Variants in MTUS2 observed in about 807,000 individuals in gnomAD.
The protein encoded by MTUS2 is microtubule-associated tumor suppressor candidate 2.
Under a neutral mutation model 114.1 loss-of-function variants are expected in MTUS2, and 40 were observed. The observed-to-expected ratio is 0.35, with a 90% CI of 0.27 to 0.46. The LOEUF is 0.46. Ranked by LOEUF, MTUS2 falls within the 20% of genes least tolerant of loss-of-function variation. The pLI is 1.00. For synonymous variants in MTUS2, 688 were observed against 672.0 expected (o/e 1.02, Z -0.37); for missense variants, 1,679 against 1,705.4 (o/e 0.98, Z 0.27).
At chr13:29,275,981 C>T (rs1057099943) in intron 5 of MTUS2, among the ~76,000 whole-genome samples, 5 of 152,096 alleles carry the variant, frequency 3.3e-5, no homozygotes, top group Non-Finnish European at 5.9e-5. Flanking sequence ...CACATTTACA[C>T]CTTTGTTTTC....
intron 2 of MTUS2, among the ~76,000 whole-genome samples, chr13:28,869,606 C>G (rs1013937425): frequency 3.3e-5 from 5 of 152,040 alleles, no homozygotes; most frequent in African/African-American, 1.2e-4. Context: ...CCCATCTCTA[C>G]TAAAAATACA....
At chr13:28,867,730 G>C (rs191632075) in intron 2 of MTUS2, among the ~76,000 whole-genome samples, 1 of 152,288 alleles carries the variant, frequency 6.6e-6, no homozygotes, top group Non-Finnish European at 1.5e-5. Flanking sequence ...AGTGTGACTT[G>C]GCTCAGCCAT....
At chr13:29,256,484 G>A (rs75611012) in intron 5 of MTUS2, among the ~76,000 whole-genome samples, 2,848 of 152,320 alleles carry the variant, frequency 0.019, 34 homozygotes, top group Non-Finnish European at 0.029. Flanking sequence ...GGGCAAGGAG[G>A]GCAAAGCACC....
At chr13:29,488,906 T>C (rs111633551) in intron 11 of MTUS2, among the ~76,000 whole-genome samples, 2,305 of 152,354 alleles carry the variant, frequency 0.015, 51 homozygotes, top group African/African-American at 0.052. Flanking sequence ...TTTTACACTT[T>C]CACATGCATT....
At chr13:28,934,729 G>A (rs936760228) in intron 2 of MTUS2, among the ~76,000 whole-genome samples, 1 of 152,154 alleles carries the variant, frequency 6.6e-6, no homozygotes, top group Non-Finnish European at 1.5e-5. Context: ...CTCCATGTTG[G>A]TCAGGCTGGT....
At chr13:28,864,058 G>A (rs1193572247) in intron 2 of MTUS2, among the ~76,000 whole-genome samples, 1 of 152,110 alleles carries the variant, frequency 6.6e-6, no homozygotes, top group Admixed American at 6.5e-5. Flanking sequence ...GCTTTTCTGG[G>A]ATTCAGAAGC....
At chr13:29,169,865 A>T (rs1385641124) in intron 5 of MTUS2, among the ~76,000 whole-genome samples, 1 of 152,174 alleles carries the variant, frequency 6.6e-6, no homozygotes. Flanking sequence ...TAGGACAAGG[A>T]TTTGACATTT....
intron 5 of MTUS2, among the ~76,000 whole-genome samples, chr13:29,129,852 T>C (rs961101623): frequency 6.6e-6 from 1 of 152,038 alleles, no homozygotes; most frequent in Non-Finnish European, 1.5e-5. Context: ...CAAAAAAGAA[T>C]GGTGGGGGCA....
At chr13:28,968,474 T>A (rs1446174621) in intron 2 of MTUS2, among the ~76,000 whole-genome samples, 1 of 152,218 alleles carries the variant, frequency 6.6e-6, no homozygotes, top group Non-Finnish European at 1.5e-5. Context: ...TTTTGCACTA[T>A]TATTAAATGC....
intron 7 of MTUS2, among the ~76,000 whole-genome samples, chr13:29,332,631 T>G: frequency 8.5e-6 from 1 of 118,216 alleles, no homozygotes; most frequent in East Asian, 2.8e-4. Context: ...GCTTCTCTAA[T>G]TCTTTTTTTT....
intron 2 of MTUS2, among the ~76,000 whole-genome samples, chr13:28,982,897 T>G (rs1884422760): frequency 6.6e-6 from 1 of 152,100 alleles, no homozygotes; most frequent in Admixed American, 6.5e-5. Flanking sequence ...GGGGAATTGT[T>G]TAATAGGTAT....
Position 29,039,312 on chromosome 13 carries a change from G to A in MTUS2, c.2446+5187G>A, listed in dbSNP as rs145396253. Reference sequence around the variant, plus strand: ...AGAAATTCGGCTTCCAGAAGTTTCCGAAGTCTGCGGCTGGGGCCAAGTGTG... The same window carrying A: ...AGAAATTCGGCTTCCAGAAGTTTCCAAAGTCTGCGGCTGGGGCCAAGTGTG... On this transcript the variant is annotated intron_variant, in intron 4 of 15. Coordinates refer to ENST00000612955, the MANE Select transcript of MTUS2 (RefSeq NM_001033602.4). 2.9e-3 allele frequency among the ~76,000 whole-genome samples: 443 copies of A among 152,364 alleles called. 2 individuals carry two copies. Among genetic ancestry groups the A allele is most frequent in the African/African-American group, 9.8e-3 (406 of 41,592 alleles).
intron 2 of MTUS2, among the ~76,000 whole-genome samples, chr13:28,894,787 GA>G (rs1240310239): frequency 6.6e-6 from 1 of 152,196 alleles, no homozygotes; most frequent in Non-Finnish European, 1.5e-5. Flanking sequence ...CTTTGCTTAA[GA>G]ATCAGTAAAA....
intron 1 of MTUS2, among the ~76,000 whole-genome samples, chr13:28,832,747 TAAATG>T (rs1379861296): frequency 1.5e-5 from 2 of 133,166 alleles, no homozygotes; most frequent in Non-Finnish European, 3.1e-5. Context: ...AGAACAGAAG[TAAATG>T]AAATAGAGAA....
intron 12 of MTUS2, among the ~76,000 whole-genome samples, 154 bp from the exon 13 acceptor site, chr13:29,497,084 G>T (rs1882597089): frequency 6.6e-6 from 1 of 152,132 alleles, no homozygotes. Flanking sequence ...TGTGGTTGTG[G>T]GGGCTCTCCT....
intron 5 of MTUS2, among the ~76,000 whole-genome samples, chr13:29,275,481 G>A (rs1442257547): frequency 1.3e-5 from 2 of 151,722 alleles, no homozygotes; most frequent in Non-Finnish European, 2.9e-5. Flanking sequence ...TCTATTTTTT[G>A]TACCCATTAA....
intron 5 of MTUS2, among the ~76,000 whole-genome samples, chr13:29,220,347 C>T (rs905706163): frequency 3.3e-5 from 5 of 152,348 alleles, no homozygotes; most frequent in South Asian, 2.1e-4. Context: ...CCTTTGCACT[C>T]ACAGCTTGGC....
rs139944738 is a variant in MTUS2, at chr13:28,884,868, T to G, written c.-243+45018T>G. On this transcript the variant is annotated intron_variant, in intron 2 of 15. Transcript: ENST00000612955. ...TTATTTTTGAGACAAGCCACAAATTTTCCTGGTATACAGGAAACAGAAAAA... is the reference window on the plus strand; with the variant it reads ...TTATTTTTGAGACAAGCCACAAATTGTCCTGGTATACAGGAAACAGAAAAA... Among the ~76,000 whole-genome samples the G allele has an allele frequency of 1.8e-3, 275 of 152,346 alleles. 2 individuals are homozygous for G. In the Middle Eastern group the frequency reaches 0.02, roughly 11 times the overall value.
intron 5 of MTUS2, among the ~76,000 whole-genome samples, chr13:29,118,558 C>T (rs1891181728): frequency 6.6e-6 from 1 of 152,198 alleles, no homozygotes; most frequent in Non-Finnish European, 1.5e-5. Flanking sequence ...GGTCTTCCCT[C>T]TGCTGAGTGC....
Sources: gnomAD v4.1 joint callset for allele counts (sites outside exome capture counted in the v4.1 genomes callset) on GRCh38, gnomAD v4.1.1 for gene constraint, MANE v1.5 for transcripts, NCBI Gene and HGNC (gene_info 2026-07-23, HGNC 2026-07-21) for gene names.